Variants in GRIP2 observed in about 807,000 individuals in gnomAD.
The protein encoded by GRIP2 is glutamate receptor-interacting protein 2.
GRIP2 carries 58 observed loss-of-function variants against 108.3 expected under a neutral mutation model. That is an observed-to-expected ratio of 0.54 (90% CI 0.43 to 0.67). The LOEUF (loss-of-function observed/expected upper bound fraction) is 0.67, where lower values mean the gene tolerates loss of function less well. GRIP2 is among the 30% of genes least tolerant of loss of function. GRIP2 has a pLI of 0.00. For synonymous variants in GRIP2, 586 were observed against 598.2 expected, an observed-to-expected ratio of 0.98 and a Z score of 0.30; for missense variants, 1,278 against 1,430.6, an observed-to-expected ratio of 0.89 and a Z score of 1.72.
chr3:14,565,600 G>A, the GRIP2 span, among the ~76,000 whole-genome samples: 2 of 104,604 alleles, frequency 1.9e-5, 1 homozygote, highest in South Asian at 6.0e-4. Flanking sequence ...GGGAGAGCAG[G>A]GTTGTGCCAC....
At chr3:14,550,522 G>A (rs988348347) in intron 1 of GRIP2, among the ~76,000 whole-genome samples, 1 of 152,210 alleles carries the variant, frequency 6.6e-6, no homozygotes. Context: ...CAGCGGCACC[G>A]CTGGTGCCTC....
Position 14,520,303 on chromosome 3 carries a change from C to T in GRIP2, c.861-24G>A, listed in dbSNP as rs371153253. 119 of 1,611,796 alleles carry T rather than the reference C, an allele frequency of 7.4e-5. No homozygotes were observed. The African/African-American group carries it at 1.1e-3, about 15-fold the overall frequency. ...TCCTGGCCAGGCAGGGGAGTGAAGGCGGAGGCTGGTCCAGGCCAGACAAAG... is the reference window on the plus strand; with the variant it reads ...TCCTGGCCAGGCAGGGGAGTGAAGGTGGAGGCTGGTCCAGGCCAGACAAAG... On this transcript the variant is annotated intron_variant, in intron 8 of 23. Coordinates refer to ENST00000621039, the MANE Select transcript of GRIP2 (RefSeq NM_001080423.4).
At chr3:14,565,891 C>T in the GRIP2 span, among the ~76,000 whole-genome samples, 1 of 152,222 alleles carries the variant, frequency 6.6e-6, no homozygotes, top group Non-Finnish European at 1.5e-5. Flanking sequence ...CTCACCCCCA[C>T]AACTGCCAAG....
chr3:14,499,282 G>A (rs1037116445), intron 21 of GRIP2, among the ~76,000 whole-genome samples: 1 of 152,204 alleles, frequency 6.6e-6, no homozygotes, highest in Non-Finnish European at 1.5e-5. Context: ...CATCGACAAC[G>A]CAGAGCGCAG....
Position 14,521,789 on chromosome 3 carries a change from T to C in GRIP2, c.567-2A>G. ...TCGCCCACCTTCAGGGAGCCCTCCC[T>C]GTAGGGAAGGGCCAGTCACCAGCCT... On this transcript the variant is annotated splice_acceptor_variant, in intron 6 of 23. Transcript: ENST00000621039. LOFTEE classifies it high-confidence loss of function. The surrounding 1 kb of genome is among the most constrained non-coding windows in gnomAD (Gnocchi z 5.1). 1 of 1,590,856 alleles carries C rather than the reference T, an allele frequency of 6.3e-7. No homozygotes were observed. The highest frequency in any genetic ancestry group is 1.1e-5 in the South Asian group (1 of 87,136).
the GRIP2 span, among the ~76,000 whole-genome samples, chr3:14,563,883 C>T: frequency 6.6e-6 from 1 of 152,188 alleles, no homozygotes; most frequent in African/African-American, 2.4e-5. Context: ...GACGGGAACA[C>T]TGCCATTCGG....
At chr3:14,582,332 A>T in the GRIP2 span, among the ~76,000 whole-genome samples, 1 of 152,044 alleles carries the variant, frequency 6.6e-6, no homozygotes, top group South Asian at 2.1e-4. Context: ...TTTTCTATTG[A>T]GTTGTCTGTC....
the GRIP2 span, among the ~76,000 whole-genome samples, chr3:14,599,614 C>T: frequency 6.6e-6 from 1 of 150,710 alleles, no homozygotes; most frequent in Non-Finnish European, 1.5e-5. Flanking sequence ...GAAGCATTTG[C>T]TGCAATAAAA....
chr3:14,523,276 GTCT>G (rs1328260621), intron 5 of GRIP2: 1 of 589,310 alleles, frequency 1.7e-6, no homozygotes, highest in Admixed American at 3.2e-5. Flanking sequence ...CATGACCAAA[GTCT>G]TCTCTCTGTT....
chr3:14,507,850 C>G lies in GRIP2; in HGVS notation c.2079-150G>C, dbSNP rs1056560243. 13 of 796,662 alleles carry G rather than the reference C, an allele frequency of 1.6e-5. No homozygotes were observed. The East Asian group carries it at 2.4e-4, about 15-fold the overall frequency. The allele number at this position is 796,662 out of a possible 1,614,324, so 49.3% of individuals were successfully genotyped here. ...CTGCCAAAAACAAAACAAAAGCACGCAAGTATGATCTTGGATCACATTAAT... is the reference window on the plus strand; with the variant it reads ...CTGCCAAAAACAAAACAAAAGCACGGAAGTATGATCTTGGATCACATTAAT... On this transcript the variant is annotated intron_variant, in intron 17 of 23. Coordinates refer to ENST00000621039, the MANE Select transcript of GRIP2 (RefSeq NM_001080423.4). The surrounding 1 kb of genome is among the most constrained non-coding windows in gnomAD (Gnocchi z 4.6).
intron 21 of GRIP2, among the ~76,000 whole-genome samples, chr3:14,501,875 C>A (rs542951099): frequency 1.5e-3 from 231 of 151,780 alleles, no homozygotes; most frequent in Non-Finnish European, 2.8e-3. Flanking sequence ...ATAATTGCTA[C>A]AAGAATACAA....
At chr3:14,598,753 T>C in the GRIP2 span, among the ~76,000 whole-genome samples, 18 of 152,186 alleles carry the variant, frequency 1.2e-4, no homozygotes, top group Admixed American at 7.2e-4. Flanking sequence ...AACCTTATCA[T>C]TCTCTCCCTT....
chr3:14,596,047 C>T, the GRIP2 span, among the ~76,000 whole-genome samples: 9 of 152,242 alleles, frequency 5.9e-5, no homozygotes, highest in Non-Finnish European at 1.3e-4. Context: ...GTGAGAGGGG[C>T]TAATTCTGTC....
At chr3:14,595,732 G>A in the GRIP2 span, among the ~76,000 whole-genome samples, 1 of 152,230 alleles carries the variant, frequency 6.6e-6, no homozygotes, top group African/African-American at 2.4e-5. Context: ...GCCTGGCTCC[G>A]CAGGTTGCCC....
chr3:14,525,765 T>A, intron 2 of GRIP2, 86 bp downstream of exon 2: 1 of 1,380,352 alleles, frequency 7.2e-7, no homozygotes, highest in Middle Eastern at 2.1e-4. Flanking sequence ...AGCAAGTCAG[T>A]GGCAGAGCCG....
At chr3:14,523,154 G>A in intron 5 of GRIP2, 79 bp from the exon 6 acceptor site, 2 of 1,064,678 alleles carry the variant, frequency 1.9e-6, no homozygotes, top group Non-Finnish European at 2.8e-6. Context: ...CCCCTGAGCA[G>A]GCTCCTTCAA....
At chr3:14,558,263 G>A (rs556948864), upstream of GRIP2, among the ~76,000 whole-genome samples, 141 of 152,316 alleles carry the variant, frequency 9.3e-4, 1 homozygote, top group African/African-American at 3.2e-3. Context: ...AGACTAGGCC[G>A]CTGCCACATC....
Position 14,516,397 on chromosome 3 carries a change from C to A in GRIP2, c.1306+667G>T, listed in dbSNP as rs1021693228. Among the ~76,000 whole-genome samples the A allele has an allele frequency of 3.3e-5, 5 of 152,258 alleles. No homozygotes were observed. In the East Asian group the frequency reaches 9.6e-4, roughly 29 times the overall value. ...GCTCATGTGGCAGGAGGCTGAGAAC[C>A]CTTTCTGCATCAACAAAGGAAAGAC... On this transcript the variant is annotated intron_variant, in intron 11 of 23. Coordinates refer to ENST00000621039, the MANE Select transcript of GRIP2 (RefSeq NM_001080423.4).
In GRIP2 at chr3:14,520,417, C is replaced by A. The variant is rs745456325; in HGVS notation, c.833G>T (p.Arg278Leu). The change falls in exon 8 of 24, where the codon CGC becomes CTC. Residue 278 changes from arginine to leucine, a missense_variant. Arg to Leu is a moderately radical substitution (Grantham distance 102, BLOSUM62 -2). Transcript: ENST00000621039. Reference protein sequence around the residue: ...LRNKSVITIDRIKPASVVDRS... With the variant: ...LRNKSVITIDLIKPASVVDRS... Reference sequence around the variant, plus strand: ...GTCCACCACGCTGGCTGGCTTGATGCGGTCGATGGTAATGACTGACTTGTT... The same window carrying A: ...GTCCACCACGCTGGCTGGCTTGATGAGGTCGATGGTAATGACTGACTTGTT... 6.2e-7 allele frequency: 1 copy of A among 1,612,730 alleles called. No individual in the cohort carries two copies. The highest frequency in any genetic ancestry group is 8.5e-7 in the Non-Finnish European group (1 of 1,179,366).
Sources: gnomAD v4.1 joint callset for allele counts (sites outside exome capture counted in the v4.1 genomes callset) on GRCh38, gnomAD v4.1.1 for gene constraint, Gnocchi (gnomAD v3.1) non-coding constraint, MANE v1.5 for transcripts, NCBI Gene and HGNC (gene_info 2026-07-23, HGNC 2026-07-21) for gene names.